The following ENPP3 variants were observed in gnomAD, a reference collection of about 807,000 sequenced individuals.
The protein encoded by ENPP3 is ectonucleotide pyrophosphatase/phosphodiesterase family member 3.
A neutral mutation model predicts 117.8 loss-of-function variants in ENPP3; 104 were observed. The observed-to-expected ratio is 0.88, with a 90% CI of 0.75 to 1.04. The LOEUF (loss-of-function observed/expected upper bound fraction) is 1.04, where lower values mean the gene tolerates loss of function less well. ENPP3 is among the 50% of genes least tolerant of loss of function. The pLI is 0.00. For missense variants in ENPP3, 1,026 were observed against 1,051.9 expected, an observed-to-expected ratio of 0.98 and a Z score of 0.34; for synonymous variants, 380 against 349.9, an observed-to-expected ratio of 1.09 and a Z score of -0.96.
chr6:131,735,748 T>C lies in ENPP3; in HGVS notation c.2090-1607T>C, dbSNP rs147105919. ...TCCTCAAGTTTCATTCATGTTCTTA[T>C]ATATTACAGAATCTAAAATAGTCAA... is the stretch of plus-strand genomic sequence containing the variant. On this transcript the variant is annotated intron_variant, in intron 21 of 24. Coordinates refer to ENST00000357639, the MANE Select transcript of ENPP3 (RefSeq NM_005021.5). Among the ~76,000 whole-genome samples the C allele has an allele frequency of 8.1e-3, 1,227 of 152,288 alleles. 10 individuals carry two copies. Among genetic ancestry groups the C allele is most frequent in the African/African-American group, 0.026 (1,070 of 41,546 alleles).
chr6:131,684,617 T>G (rs1779108499), intron 12 of ENPP3, among the ~76,000 whole-genome samples: 1 of 151,022 alleles, frequency 6.6e-6, no homozygotes, highest in South Asian at 2.1e-4. Flanking sequence ...AAGTGGAGGC[T>G]GCAGTGCAGT....
At chr6:131,647,913 A>G (rs1377213873) in intron 2 of ENPP3, among the ~76,000 whole-genome samples, 2 of 152,112 alleles carry the variant, frequency 1.3e-5, no homozygotes, top group Non-Finnish European at 2.9e-5. Context: ...TTATCATCAC[A>G]TTATTGTATA....
At chr6:131,718,827 G>A (rs1053472949) in intron 16 of ENPP3, 89 bp downstream of exon 16, 26 of 707,546 alleles carry the variant, frequency 3.7e-5, no homozygotes, top group Non-Finnish European at 6.0e-5. Context: ...GTAAACATCT[G>A]TCATGGGGGT....
At chr6:131,667,258 G>A (rs2114362486) in intron 6 of ENPP3, among the ~76,000 whole-genome samples, 1 of 152,122 alleles carries the variant, frequency 6.6e-6, no homozygotes, top group Admixed American at 6.5e-5. Flanking sequence ...ACTAGAGTAT[G>A]CTAGGTTCCA....
chr6:131,741,270 C>T (rs1017762887), intron 24 of ENPP3, among the ~76,000 whole-genome samples: 30 of 152,068 alleles, frequency 2.0e-4, no homozygotes, highest in Non-Finnish European at 4.4e-4. Context: ...GATAGAAACT[C>T]TTTAGAATGC....
At chr6:131,663,573 A>G (rs1778551185) in intron 6 of ENPP3, among the ~76,000 whole-genome samples, 1 of 150,932 alleles carries the variant, frequency 6.6e-6, no homozygotes, top group Non-Finnish European at 1.5e-5. Flanking sequence ...GTGTGCCAGT[A>G]GTCCCAGCTA....
chr6:131,658,073 G>C (rs1203735711), intron 5 of ENPP3, among the ~76,000 whole-genome samples: 1 of 151,116 alleles, frequency 6.6e-6, no homozygotes, highest in African/African-American at 2.4e-5. Context: ...AGAATCACTT[G>C]AACCCAGGAG....
intron 11 of ENPP3, among the ~76,000 whole-genome samples, chr6:131,682,547 G>A (rs1779045440): frequency 6.6e-6 from 1 of 152,148 alleles, no homozygotes; most frequent in Non-Finnish European, 1.5e-5. Flanking sequence ...TTATAAATCA[G>A]TAATGTGATG....
At chr6:131,643,598 C>T (rs1185137550) in intron 2 of ENPP3, among the ~76,000 whole-genome samples, 1 of 152,108 alleles carries the variant, frequency 6.6e-6, no homozygotes, top group Non-Finnish European at 1.5e-5. Flanking sequence ...TAAACCCCAA[C>T]CCTGGGTCAT....
intron 1 of ENPP3, among the ~76,000 whole-genome samples, chr6:131,638,909 A>C (rs1777982800): frequency 6.6e-6 from 1 of 151,280 alleles, no homozygotes; most frequent in African/African-American, 2.4e-5. Context: ...TGATCCTCTC[A>C]TTCAGCCTCT....
intron 20 of ENPP3, 109 bp downstream of exon 20, chr6:131,726,309 A>G (rs1203794322): frequency 4.3e-6 from 4 of 940,658 alleles, no homozygotes; most frequent in African/African-American, 1.6e-5. Flanking sequence ...GAGGGAACTC[A>G]CTGGCCTGTA....
intron 6 of ENPP3, among the ~76,000 whole-genome samples, chr6:131,669,839 A>G (rs762487077): frequency 1.3e-5 from 2 of 152,046 alleles, no homozygotes; most frequent in Non-Finnish European, 2.9e-5. Flanking sequence ...GACCAACCCC[A>G]TGTCTATTTG....
chr6:131,639,233 T>C (rs1367884053), intron 1 of ENPP3, among the ~76,000 whole-genome samples: 1 of 149,478 alleles, frequency 6.7e-6, no homozygotes, highest in Non-Finnish European at 1.5e-5. Flanking sequence ...GTGCTCTTTA[T>C]AGCTCTTATG....
chr6:131,715,802 T>C (rs1480452836), intron 15 of ENPP3, among the ~76,000 whole-genome samples: 1 of 152,104 alleles, frequency 6.6e-6, no homozygotes, highest in Non-Finnish European at 1.5e-5. Flanking sequence ...GAGTTGGTGC[T>C]AGTGCTTATT....
intron 10 of ENPP3, 30 bp downstream of exon 10, chr6:131,676,831 A>G: frequency 1.4e-6 from 2 of 1,406,946 alleles, no homozygotes; most frequent in Non-Finnish European, 2.0e-6. Flanking sequence ...AAGTGCTGGC[A>G]TAGTGGCATA....
chr6:131,655,089 A>C, intron 5 of ENPP3, among the ~76,000 whole-genome samples: 1 of 152,342 alleles, frequency 6.6e-6, no homozygotes, highest in Non-Finnish European at 1.5e-5. Context: ...TGTATGGTAC[A>C]TAGTAGGTAC....
intron 19 of ENPP3, 135 bp downstream of exon 19, chr6:131,724,226 T>TAAAAAAGAAAAAAAAAAAAAAAAAA (rs1780099425): frequency 2.9e-6 from 1 of 343,582 alleles, no homozygotes; most frequent in African/African-American, 3.6e-5. Context: ...ATACAAAAGG[T>TAAAAAAGAAAAAAAAAAAAAAAAAA]AAAAAAAAAA....
intron 11 of ENPP3, among the ~76,000 whole-genome samples, chr6:131,678,206 G>A (rs1241857292): frequency 6.6e-6 from 1 of 152,146 alleles, no homozygotes; most frequent in East Asian, 1.9e-4. Context: ...TATTAGATGT[G>A]GCACTGTTGT....
intron 17 of ENPP3, among the ~76,000 whole-genome samples, chr6:131,721,212 C>A (rs1460761965): frequency 6.6e-6 from 1 of 152,164 alleles, no homozygotes; most frequent in East Asian, 1.9e-4. Flanking sequence ...ATTTATTTAC[C>A]TAGCAAGGCA....
Sources: allele counts gnomAD v4.1 joint callset (sites outside exome capture counted in the v4.1 genomes callset), GRCh38; gene constraint gnomAD v4.1.1; transcripts MANE v1.5; gene names NCBI Gene and HGNC (gene_info 2026-07-23, HGNC 2026-07-21).